TRPM8: variants seen among roughly 807,000 people sequenced by gnomAD.
TRPM8 encodes the protein transient receptor potential cation channel subfamily M member 8.
In TRPM8, 110 loss-of-function variants were observed where a neutral mutation model predicts 133.7. The observed-to-expected ratio is 0.82, with a 90% CI of 0.70 to 0.96. The LOEUF (loss-of-function observed/expected upper bound fraction) is 0.96. Among genes scored for constraint, TRPM8 ranks in the 40% least tolerant of loss-of-function variants. TRPM8 has a pLI of 0.00. For missense variants in TRPM8, 1,291 were observed against 1,379.5 expected, an observed-to-expected ratio of 0.94 and a Z score of 1.02; for synonymous variants, 535 against 532.3, an observed-to-expected ratio of 1.01 and a Z score of -0.07.
intron 2 of TRPM8, among the ~76,000 whole-genome samples, chr2:233,927,962 T>TCTCTCTCTCTCTCTCTCTCTCTCTC (rs1559516800): frequency 3.2e-5 from 1 of 31,422 alleles, no homozygotes; most frequent in African/African-American, 2.4e-4. Context: ...CTCTCTCTCT[T>TCTCTCTCTCTCTCTCTCTCTCTCTC]TCTTTCTTTC....
Position 233,971,600 on chromosome 2 carries a change from C to T in TRPM8, c.2355+1174C>T, listed in dbSNP as rs148708416. Among the ~76,000 whole-genome samples the T allele has an allele frequency of 6.9e-3, 1,056 of 152,202 alleles. 14 individuals carry two copies. Among genetic ancestry groups the T allele is most frequent in the African/African-American group, 0.024 (1,013 of 41,530 alleles). ...CTCACTAACTTCAAGAATGAAGCCG[C>T]GGACCCTTGCGGTGAGTGTTACAGC... On this transcript the variant is annotated intron_variant, in intron 17 of 25. Coordinates refer to ENST00000324695, the MANE Select transcript of TRPM8 (RefSeq NM_024080.5).
chr2:234,008,243 G>T (rs900105154), intron 24 of TRPM8, 140 bp downstream of exon 24: 1 of 829,962 alleles, frequency 1.2e-6, no homozygotes, highest in African/African-American at 1.7e-5. Context: ...GCAGGGTGCT[G>T]GAATGGTATT....
chr2:233,985,949 G>T, intron 21 of TRPM8, 84 bp downstream of exon 21: 1 of 1,315,584 alleles, frequency 7.6e-7, no homozygotes, highest in Non-Finnish European at 1.1e-6. Flanking sequence ...CATCGCAAAG[G>T]TCCCACCCTT....
chr2:233,992,558 C>A (rs1692305387), intron 21 of TRPM8, among the ~76,000 whole-genome samples: 1 of 152,172 alleles, frequency 6.6e-6, no homozygotes, highest in Non-Finnish European at 1.5e-5. Flanking sequence ...GAACTGCTGT[C>A]CCTCTGCATG....
At chr2:233,978,197 T>TTGTG (rs763707549) in intron 17 of TRPM8, among the ~76,000 whole-genome samples, 284 of 70,572 alleles carry the variant, frequency 4.0e-3, no homozygotes, top group Admixed American at 0.011. Context: ...TGGAATATTA[T>TTGTG]AGTGTGTGTG....
intron 15 of TRPM8, among the ~76,000 whole-genome samples, chr2:233,969,373 G>C (rs987843252): frequency 2.0e-5 from 3 of 151,874 alleles, no homozygotes; most frequent in African/African-American, 4.8e-5. Context: ...TGTAATCCCA[G>C]CTACTCGGGA....
Position 233,963,320 on chromosome 2 carries a change from C to T in TRPM8, c.1692C>T (p.Leu564=). The change falls in exon 13 of 26, where the codon CTC becomes CTT. Residue 564 remains leucine (L), a synonymous_variant. Transcript: ENST00000324695. The stretch of plus-strand genomic sequence containing the variant: ...TTACTCGGCACCCCCTGCAAGCTCT[C>T]TTCATCTGGGCCATTCTTCAGAATA... ...SPITRHPLQA[L]FIWAILQNKK... The T allele has an allele frequency of 6.2e-7, 1 of 1,613,720 alleles. No homozygotes were observed. Among genetic ancestry groups the T allele is most frequent in the Non-Finnish European group, 8.5e-7 (1 of 1,179,828 alleles).
chr2:233,959,757 T>G (rs537150147), intron 11 of TRPM8, among the ~76,000 whole-genome samples: 1 of 152,056 alleles, frequency 6.6e-6, no homozygotes, highest in Non-Finnish European at 1.5e-5. Context: ...TGGCCTGTAG[T>G]CCACTGGGTT....
At chr2:233,952,142 T>C (rs1418338077) in intron 9 of TRPM8, among the ~76,000 whole-genome samples, 4 of 152,210 alleles carry the variant, frequency 2.6e-5, no homozygotes, top group Non-Finnish European at 5.9e-5. Context: ...CATTTATTAA[T>C]TTATTCAGTA....
rs780840262 is a variant in TRPM8, at chr2:233,926,612, C to T, written c.75C>T (p.Tyr25=). 5 of 1,614,070 alleles carry T rather than the reference C, an allele frequency of 3.1e-6. No homozygotes were observed. The highest frequency in any genetic ancestry group is 1.1e-5 in the South Asian group (1 of 91,076). ...CTCTGGACAGCACCCGGACCCTGTA[C>T]TCCAGCGCGTCTCGGAGCACAGACT... ...NDTLDSTRTL[Y]SSASRSTDLS... The change falls in exon 2 of 26, where the codon TAC becomes TAT. Residue 25 remains tyrosine, a synonymous_variant. Coordinates refer to ENST00000324695, the MANE Select transcript of TRPM8 (RefSeq NM_024080.5).
At chr2:233,955,356 G>T in intron 11 of TRPM8, 106 bp downstream of exon 11, 1 of 786,462 alleles carries the variant, frequency 1.3e-6, no homozygotes, top group Non-Finnish European at 2.1e-6. Context: ...ATCTCTTAAA[G>T]GATTGTTCTG....
chr2:233,964,551 CAAAAAAAAAAAAAAAA>C (rs34817253), intron 13 of TRPM8, 61 bp from the exon 14 acceptor site: 3 of 570,294 alleles, frequency 5.3e-6, no homozygotes, highest in East Asian at 1.2e-4. Context: ...GACTCCGTCT[CAAAAAAAAAAAAAAAA>C]AAAAAAAAAA....
At chr2:233,934,018 G>T (rs954087787) in intron 3 of TRPM8, 6 of 167,056 alleles carry the variant, frequency 3.6e-5, no homozygotes, top group Non-Finnish European at 8.8e-5. Context: ...TATAGCTTTA[G>T]AAAATATTAA....
In TRPM8 at chr2:234,014,556, TC is replaced by T; in HGVS notation, c.3265-4del. The T allele has an allele frequency of 6.5e-7, 1 of 1,532,654 alleles. No homozygotes were observed. Among genetic ancestry groups the T allele is most frequent in the Non-Finnish European group, 8.7e-7 (1 of 1,143,248 alleles). 94.9% of individuals were successfully genotyped at this position (1,532,654 alleles called of 1,614,324 possible). A position where few individuals can be genotyped will look rare whatever the true frequency, so the allele number is the denominator to read the frequency against. ...AAGATGAGTTCTATTTTTTTCTCTT[TC>T]CAAGCTTAATGATCTCAAGGGTCTT... On this transcript the variant is annotated splice_region_variant and splice_polypyrimidine_tract_variant and intron_variant, in intron 24 of 25. Transcript: ENST00000324695.
At chr2:234,009,076 C>T (rs538516356) in intron 24 of TRPM8, among the ~76,000 whole-genome samples, 1 of 152,228 alleles carries the variant, frequency 6.6e-6, no homozygotes, top group South Asian at 2.1e-4. Context: ...TGGGAACTTG[C>T]TTGCCTCTTT....
At chr2:233,924,289 C>T (rs754973074) in intron 1 of TRPM8, among the ~76,000 whole-genome samples, 6 of 152,144 alleles carry the variant, frequency 3.9e-5, no homozygotes, top group Non-Finnish European at 5.9e-5. Context: ...GTTACTTCTC[C>T]CTGGCGCATG....
At position 234,008,053 on chromosome 2, in the gene TRPM8, C is replaced by T. The variant is rs575029764; in HGVS notation, c.3231-17C>T. ...TTTTTCTCTTGTTCACTTTCTTTTT[C>T]ATTAACTTCTTTGCAGAATGAGGCA... On this transcript the variant is annotated splice_polypyrimidine_tract_variant and intron_variant, in intron 23 of 25. Transcript: ENST00000324695. The T allele has an allele frequency of 6.2e-7, 1 of 1,608,236 alleles. No homozygotes were observed. The highest frequency in any genetic ancestry group is 2.2e-5 in the East Asian group (1 of 44,784).
chr2:233,941,096 T>G (rs1321603607), intron 5 of TRPM8, among the ~76,000 whole-genome samples: 1 of 152,230 alleles, frequency 6.6e-6, no homozygotes, highest in African/African-American at 2.4e-5. Flanking sequence ...TGTTTTGAAC[T>G]GGATCAGAGC....
At chr2:233,982,957 T>C in intron 19 of TRPM8, 96 bp from the exon 20 acceptor site, 1 of 1,374,474 alleles carries the variant, frequency 7.3e-7, no homozygotes, top group Admixed American at 2.1e-5. Flanking sequence ...CTGGAACCGC[T>C]GCTCTTCTCC....
Sources: gnomAD v4.1 joint callset for allele counts (sites outside exome capture counted in the v4.1 genomes callset) on GRCh38, gnomAD v4.1.1 for gene constraint, MANE v1.5 for transcripts, NCBI Gene and HGNC (gene_info 2026-07-23, HGNC 2026-07-21) for gene names.